LDLRAD4: variants seen among roughly 807,000 people sequenced by gnomAD.
LDLRAD4 encodes low-density lipoprotein receptor class A domain-containing protein 4.
In LDLRAD4, 5 loss-of-function variants were observed where a neutral mutation model predicts 17.0. That is an observed-to-expected ratio of 0.29 (90% confidence interval 0.15 to 0.62). LDLRAD4 has a LOEUF of 0.62. LDLRAD4 is among the 20% of genes least tolerant of loss of function. The probability of loss-of-function intolerance (pLI) is 0.84; values close to 1 mark genes in which losing one functional copy is unlikely to be tolerated. For missense variants in LDLRAD4, 340 were observed against 424.7 expected, an observed-to-expected ratio of 0.80 and a Z score of 1.75; for synonymous variants, 168 against 171.8, an observed-to-expected ratio of 0.98 and a Z score of 0.17.
intron 2 of LDLRAD4, among the ~76,000 whole-genome samples, chr18:13,430,329 T>G (rs1482815603): frequency 6.6e-6 from 1 of 152,222 alleles, no homozygotes; most frequent in Non-Finnish European, 1.5e-5. Context: ...CTGCTTTCTC[T>G]GCAGAGCAAA....
intron 1 of LDLRAD4, among the ~76,000 whole-genome samples, chr18:13,233,426 A>C (rs1184851194): frequency 1.3e-5 from 2 of 152,178 alleles, no homozygotes; most frequent in Non-Finnish European, 2.9e-5. Flanking sequence ...AAGTGGGCCA[A>C]GGAAGCCGGC....
At chr18:13,480,634 G>C (rs1341165787) in intron 3 of LDLRAD4, among the ~76,000 whole-genome samples, 1 of 152,178 alleles carries the variant, frequency 6.6e-6, no homozygotes, top group African/African-American at 2.4e-5. Flanking sequence ...TGATCATGTG[G>C]GAGGCTGTGC....
intron 2 of LDLRAD4, among the ~76,000 whole-genome samples, chr18:13,417,828 A>G (rs888512297): frequency 6.6e-6 from 1 of 151,902 alleles, no homozygotes. Context: ...TTGTAGGTAA[A>G]TGTGTGTGTG....
intron 3 of LDLRAD4, among the ~76,000 whole-genome samples, chr18:13,502,570 G>A (rs532075847): frequency 2.6e-5 from 4 of 152,162 alleles, no homozygotes; most frequent in African/African-American, 9.6e-5. Context: ...ACTCTTTATC[G>A]AAGAAAAAAG....
intron 3 of LDLRAD4, among the ~76,000 whole-genome samples, chr18:13,495,260 T>C (rs954135596): frequency 6.6e-6 from 1 of 152,120 alleles, no homozygotes; most frequent in African/African-American, 2.4e-5. Flanking sequence ...GGGGAGGTGG[T>C]TTCAGTTCCA....
At position 13,367,896 on chromosome 18, in the gene LDLRAD4, C is replaced by G. The variant is rs1405366925; in HGVS notation, c.-382-19445C>G. On this transcript the variant is annotated intron_variant, in intron 1 of 5. Transcript: ENST00000359446. This position sits in a 1 kb window ranked among gnomAD's most constrained non-coding sequence, Gnocchi z 4.1. ...GGACGACTGGGCATGGGGGCGTGTG[C>G]CTGTGGTCACAGCTACTCAGGAGGC... 1.3e-5 allele frequency among the ~76,000 whole-genome samples: 2 copies of G among 151,926 alleles called. No individual in the cohort carries two copies. The highest frequency in any genetic ancestry group is 2.9e-5 in the Non-Finnish European group (2 of 67,976).
intron 3 of LDLRAD4, chr18:13,489,477 A>G (rs796975237): frequency 1.2e-4 from 18 of 152,292 alleles, no homozygotes; most frequent in African/African-American, 4.3e-4. Flanking sequence ...CTTACACCAA[A>G]TAAGGGTGTC....
chr18:13,306,745 GT>G, intron 1 of LDLRAD4, among the ~76,000 whole-genome samples: 1 of 152,352 alleles, frequency 6.6e-6, no homozygotes, highest in East Asian at 1.9e-4. Context: ...TCCAGATGTT[GT>G]GCATGACTTC....
chr18:13,619,410 G>A (rs79642611), intron 3 of LDLRAD4, among the ~76,000 whole-genome samples: 6,625 of 150,660 alleles, frequency 0.044, 230 homozygotes, highest in Non-Finnish European at 0.063. Flanking sequence ...GCCCCTGCTC[G>A]AAGACTCAGA....
At chr18:13,261,383 G>C (rs1468068864) in intron 1 of LDLRAD4, among the ~76,000 whole-genome samples, 3 of 152,286 alleles carry the variant, frequency 2.0e-5, no homozygotes, top group East Asian at 3.9e-4. Flanking sequence ...AGCACTCTGA[G>C]CCTCTTCATT....
In LDLRAD4 at chr18:13,411,616, C is replaced by T. The variant is rs982961458; in HGVS notation, c.40+23854C>T. On this transcript the variant is annotated intron_variant, in intron 2 of 5. Coordinates refer to ENST00000359446, the Ensembl canonical transcript of LDLRAD4. ...TTATAAAGGGCAGTTCCCCTGCACA[C>T]GCTCTCTTGCCTGCTACCAGGTAAG... Among the ~76,000 whole-genome samples, 9 of 152,300 alleles carry T rather than the reference C, an allele frequency of 5.9e-5. 1 individual carries two copies. The highest frequency in any genetic ancestry group is 6.8e-3 in the Middle Eastern group (2 of 294).
At chr18:13,355,518 GA>G (rs1448579719) in intron 1 of LDLRAD4, among the ~76,000 whole-genome samples, 1 of 152,216 alleles carries the variant, frequency 6.6e-6, no homozygotes, top group Admixed American at 6.5e-5. Context: ...AGTGTTTCCA[GA>G]AGGGCAAATG....
At chr18:13,554,078 G>C (rs1049583329) in intron 3 of LDLRAD4, among the ~76,000 whole-genome samples, 3 of 152,166 alleles carry the variant, frequency 2.0e-5, no homozygotes, top group Admixed American at 6.5e-5. Context: ...TGTTTGAATA[G>C]ATAATGGAAT....
At chr18:13,388,078 G>A (rs941246835) in intron 2 of LDLRAD4, among the ~76,000 whole-genome samples, 1 of 152,230 alleles carries the variant, frequency 6.6e-6, no homozygotes, top group African/African-American at 2.4e-5. Flanking sequence ...CACTTGCTGA[G>A]CGAGGGTAGG....
intron 3 of LDLRAD4, among the ~76,000 whole-genome samples, chr18:13,502,179 T>C (rs901134391): frequency 2.6e-5 from 4 of 152,248 alleles, no homozygotes; most frequent in African/African-American, 9.6e-5. Context: ...TGTGTTTTCT[T>C]TAGCTCCTGA....
chr18:13,495,596 T>C (rs1423425404), intron 3 of LDLRAD4, among the ~76,000 whole-genome samples: 1 of 152,190 alleles, frequency 6.6e-6, no homozygotes, highest in African/African-American at 2.4e-5. Context: ...AGAAATACAC[T>C]GAGGATTCTG....
At chr18:13,565,110 A>G (rs2094583850) in intron 3 of LDLRAD4, 1 of 152,284 alleles carries the variant, frequency 6.6e-6, no homozygotes, top group South Asian at 2.1e-4. Context: ...CAGCAATGTA[A>G]AACAAAGCCA....
intron 3 of LDLRAD4, among the ~76,000 whole-genome samples, chr18:13,571,090 G>A (rs2094683759): frequency 6.6e-6 from 1 of 152,168 alleles, no homozygotes; most frequent in Non-Finnish European, 1.5e-5. Context: ...GAAGTGCTGG[G>A]ATTACAGGCA....
In LDLRAD4 at chr18:13,300,813, G is replaced by A. The variant is rs1174384565; in HGVS notation, c.-383+22625G>A. Among the ~76,000 whole-genome samples, 1 of 152,222 alleles carries A rather than the reference G, an allele frequency of 6.6e-6. No homozygotes were observed. Among genetic ancestry groups the A allele is most frequent in the Non-Finnish European group, 1.5e-5 (1 of 68,046 alleles). On this transcript the variant is annotated intron_variant, in intron 1 of 5. Transcript: ENST00000359446. The surrounding 1 kb of genome is among the most constrained non-coding windows in gnomAD (Gnocchi z 4.2). ...CCTCCATCTGGTCTTGCATTTCTGA[G>A]GCTGAACAGACACCTCTCATGATCA...
Sources: allele counts gnomAD v4.1 joint callset (sites outside exome capture counted in the v4.1 genomes callset), GRCh38; gene constraint gnomAD v4.1.1; non-coding constraint Gnocchi (gnomAD v3.1); transcripts MANE v1.5; gene names NCBI Gene and HGNC (gene_info 2026-07-23, HGNC 2026-07-21).